UQCRC2: variants seen among roughly 807,000 people sequenced by gnomAD.
UQCRC2 encodes the protein ubiquinol-cytochrome c reductase core protein 2.
In UQCRC2, 49 loss-of-function variants were observed where a neutral mutation model predicts 55.6. The ratio of observed to expected loss-of-function variants is 0.88; its 90% confidence interval spans 0.70 to 1.12. UQCRC2 has a LOEUF of 1.12. Ranked by LOEUF, UQCRC2 falls within the 50% of genes most tolerant of loss-of-function variation. The pLI, the probability that UQCRC2 is intolerant of heterozygous loss-of-function variation, is 0.00. For missense variants in UQCRC2, 506 were observed against 547.8 expected (o/e 0.92, Z 0.76); for synonymous variants, 193 against 192.0 (o/e 1.01, Z -0.04).
intron 7 of UQCRC2, 57 bp from the exon 8 acceptor site, chr16:21,968,571 T>C: frequency 6.8e-7 from 1 of 1,478,474 alleles, no homozygotes; most frequent in Non-Finnish European, 9.2e-7. Flanking sequence ...TTTTATGTTT[T>C]TACAGCTTTT....
chr16:21,970,250 A>C (rs1010538651), intron 8 of UQCRC2, among the ~76,000 whole-genome samples: 2 of 152,180 alleles, frequency 1.3e-5, no homozygotes, highest in African/African-American at 4.8e-5. Context: ...TCGTAAATAT[A>C]AACATTCACG....
chr16:21,955,940 C>T (rs1167197905), intron 1 of UQCRC2, among the ~76,000 whole-genome samples: 4 of 152,166 alleles, frequency 2.6e-5, no homozygotes, highest in African/African-American at 4.8e-5. Flanking sequence ...ATTCTCCTGC[C>T]TCAGCCTCCC....
Position 21,957,466 on chromosome 16 carries a change from C to A in UQCRC2, c.167C>A (p.Ser56Tyr). 2 of 1,614,128 alleles carry A rather than the reference C, an allele frequency of 1.2e-6. No individual in the cohort carries two copies. Among genetic ancestry groups the A allele is most frequent in the Non-Finnish European group, 1.7e-6 (2 of 1,180,020 alleles). ...GTGATTGCTTCTTTGGAAAACTATTCTCCTGTATCAAGAATTGGTTTGTTC... is the reference window on the plus strand; with the variant it reads ...GTGATTGCTTCTTTGGAAAACTATTATCCTGTATCAAGAATTGGTTTGTTC... Reference protein sequence around the residue: ...GLVIASLENYSPVSRIGLFIK... With the variant: ...GLVIASLENYYPVSRIGLFIK... The change falls in exon 3 of 14, where the codon TCT (serine) becomes TAT (tyrosine). Residue 56 changes from serine to tyrosine, a missense_variant. Transcript: ENST00000268379.
At chr16:21,975,694 A>G (rs1023836405) in intron 11 of UQCRC2, among the ~76,000 whole-genome samples, 4 of 152,090 alleles carry the variant, frequency 2.6e-5, no homozygotes, top group African/African-American at 9.7e-5. Flanking sequence ...ATGGATTACT[A>G]CTCTCTTCTT....
At chr16:21,956,756 A>T (rs1898092616) in intron 1 of UQCRC2, among the ~76,000 whole-genome samples, 2 of 152,166 alleles carry the variant, frequency 1.3e-5, no homozygotes, top group Non-Finnish European at 2.9e-5. Context: ...GTGGGTTAGT[A>T]AGTCCATAAT....
chr16:21,965,381 C>T, intron 6 of UQCRC2, 27 bp from the exon 7 acceptor site: 2 of 1,601,850 alleles, frequency 1.2e-6, no homozygotes, highest in Non-Finnish European at 1.7e-6. Flanking sequence ...GTGCATTTCC[C>T]TAAATGCTTC....
intron 5 of UQCRC2, 62 bp from the exon 6 acceptor site, chr16:21,962,699 A>G: frequency 6.2e-7 from 1 of 1,610,232 alleles, no homozygotes; most frequent in Non-Finnish European, 8.5e-7. Context: ...ACAGCTATGT[A>G]GAATCTCAAA....
intron 12 of UQCRC2, among the ~76,000 whole-genome samples, chr16:21,978,910 G>A (rs1898649590): frequency 6.6e-6 from 1 of 152,190 alleles, no homozygotes; most frequent in Non-Finnish European, 1.5e-5. Context: ...AACAGCTGAA[G>A]TGGATATCAC....
Position 21,957,478 on chromosome 16 carries a change from G to C in UQCRC2, c.179G>C (p.Arg60Thr). ...ASLENYSPVSRIGLFIKAGSR... is the reference protein window; with the variant it reads ...ASLENYSPVSTIGLFIKAGSR... ...TTGGAAAACTATTCTCCTGTATCAA[G>C]AATTGGTTTGTTCATTAAAGCAGGC... is the stretch of plus-strand genomic sequence containing the variant. The change falls in exon 3 of 14, where the codon AGA (arginine) becomes ACA (threonine). Residue 60 changes from arginine (R) to threonine (T), a missense_variant. Transcript: ENST00000268379. 2 of 1,614,116 alleles carry C rather than the reference G, an allele frequency of 1.2e-6. No homozygotes were observed. Among genetic ancestry groups the C allele is most frequent in the East Asian group, 2.2e-5 (1 of 44,878 alleles).
In UQCRC2 at chr16:21,972,108, C is replaced by T; in HGVS notation, c.952C>T (p.Gln318Ter). Residue 318 changes from glutamine to a stop codon, truncating the protein, a stop_gained, in exon 10 of 14, where the codon CAG (glutamine) becomes TAG (stop). Transcript: ENST00000268379. LOFTEE classifies it high-confidence loss of function. ...HLHQAVAKAT[Q>*]QPFDVSAFNA... is the part of the protein sequence containing the mutation. ...GCACCAGGCTGTTGCCAAGGCAACT[C>T]AGCAGCCATTTGATGTGAGTCTGAA... 6.2e-7 allele frequency: 1 copy of T among 1,613,496 alleles called. No homozygotes were observed.
chr16:21,965,479 A>G lies in UQCRC2; in HGVS notation c.586A>G (p.Arg196Gly). Reference sequence around the variant, plus strand: ...TAATCCCTTGTATTGTCCTGACTATAGGATTGGAAAAGTGACATCAGAGGA... The same window carrying G: ...TAATCCCTTGTATTGTCCTGACTATGGGATTGGAAAAGTGACATCAGAGGA... ...LANPLYCPDYRIGKVTSEELH... is the reference protein window; with the variant it reads ...LANPLYCPDYGIGKVTSEELH... The change falls in exon 7 of 14, where the codon AGG (arginine) becomes GGG (glycine). Residue 196 changes from arginine to glycine, a missense_variant. By Grantham distance (125) the Arg-to-Gly change is moderately radical. Coordinates refer to ENST00000268379, the MANE Select transcript of UQCRC2 (RefSeq NM_003366.4). 6.2e-7 allele frequency: 1 copy of G among 1,607,202 alleles called. No homozygotes were observed. The highest frequency in any genetic ancestry group is 1.3e-5 in the African/African-American group (1 of 74,700).
intron 7 of UQCRC2, 134 bp from the exon 8 acceptor site, chr16:21,968,494 A>T: frequency 1.6e-6 from 1 of 616,756 alleles, no homozygotes; most frequent in Non-Finnish European, 2.6e-6. Flanking sequence ...CACCTCAGTT[A>T]GTACCTTGTA....
chr16:21,976,104 T>A, intron 11 of UQCRC2, 63 bp from the exon 12 acceptor site: 1 of 1,125,626 alleles, frequency 8.9e-7, no homozygotes, highest in Non-Finnish European at 1.3e-6. Context: ...TAAAGAAGTG[T>A]GTCAGTGCTG....
chr16:21,957,429 C>T lies in UQCRC2; in HGVS notation c.130C>T (p.Pro44Ser), dbSNP rs753970000. ...QPQDLEFTKL[P>S]NGLVIASLEN... ...ATTTTAAATACAGTTTACCAAGTTA[C>T]CAAATGGCTTGGTGATTGCTTCTTT... The change falls in exon 3 of 14, where the codon CCA becomes TCA. Residue 44 changes from proline to serine, a missense_variant. Transcript: ENST00000268379. 6.2e-7 allele frequency: 1 copy of T among 1,613,944 alleles called. No individual in the cohort carries two copies. The highest frequency in any genetic ancestry group is 1.3e-5 in the African/African-American group (1 of 74,896).
chr16:21,972,251 C>G, intron 10 of UQCRC2, 129 bp downstream of exon 10: 1 of 1,229,504 alleles, frequency 8.1e-7, no homozygotes, highest in Non-Finnish European at 1.1e-6. Context: ...GAAGAGATAG[C>G]CAGGCTTGAT....
At chr16:21,964,405 C>T (rs1368484460) in intron 6 of UQCRC2, among the ~76,000 whole-genome samples, 5 of 152,072 alleles carry the variant, frequency 3.3e-5, no homozygotes, top group African/African-American at 9.7e-5. Flanking sequence ...ATCCTTCTGA[C>T]GTGAAAGTAA....
At chr16:21,977,788 C>G (rs183575884) in intron 12 of UQCRC2, among the ~76,000 whole-genome samples, 1 of 152,290 alleles carries the variant, frequency 6.6e-6, no homozygotes, top group Admixed American at 6.5e-5. Flanking sequence ...AGAATTACAA[C>G]CCAGGATGGA....
At chr16:21,976,086 TGCCTCAGTAAAG>T in intron 11 of UQCRC2, 69 bp from the exon 12 acceptor site, 1 of 889,050 alleles carries the variant, frequency 1.1e-6, no homozygotes, top group Middle Eastern at 2.2e-4. Context: ...TCTGTGTTTT[TGCCTCAGTAAAG>T]AAGTGTGTCA....
At chr16:21,960,266 C>T (rs557559373) in intron 4 of UQCRC2, among the ~76,000 whole-genome samples, 2 of 152,282 alleles carry the variant, frequency 1.3e-5, no homozygotes, top group South Asian at 4.1e-4. Context: ...TCTATATTAG[C>T]ATTTGCTGCT....
Sources: gnomAD v4.1 joint callset for allele counts (sites outside exome capture counted in the v4.1 genomes callset) on GRCh38, gnomAD v4.1.1 for gene constraint, MANE v1.5 for transcripts, NCBI Gene and HGNC (gene_info 2026-07-23, HGNC 2026-07-21) for gene names.